TUSC3: variants seen among roughly 807,000 people sequenced by gnomAD.
The protein encoded by TUSC3 is dolichyl-diphosphooligosaccharide--protein glycosyltransferase subunit TUSC3.
TUSC3 carries 45 observed loss-of-function variants against 44.8 expected under a neutral mutation model. That is an observed-to-expected ratio of 1.00 (90% CI 0.79 to 1.29). The LOEUF is 1.29. TUSC3 is among the 50% of genes most tolerant of loss of function. TUSC3 has a pLI of 0.00. For missense variants in TUSC3, 519 were observed against 437.9 expected (o/e 1.19, Z -1.65); for synonymous variants, 212 against 152.9 (o/e 1.39, Z -2.85).
chr8:15,472,954 T>A (rs77695063), intron 1 of TUSC3, among the ~76,000 whole-genome samples: 1 of 152,086 alleles, frequency 6.6e-6, no homozygotes, highest in African/African-American at 2.4e-5. Context: ...AGACTCTCAG[T>A]GAGGTTATGC....
chr8:15,453,100 C>G (rs569417401), intron 1 of TUSC3, among the ~76,000 whole-genome samples: 1 of 152,216 alleles, frequency 6.6e-6, no homozygotes, highest in East Asian at 1.9e-4. Context: ...GGTATCTAGA[C>G]TTGAGAGCTA....
At chr8:15,579,295 GT>G (rs1441012873) in intron 1 of TUSC3, among the ~76,000 whole-genome samples, 2 of 135,172 alleles carry the variant, frequency 1.5e-5, no homozygotes, top group Admixed American at 7.6e-5. Context: ...TTTTTGAAGG[GT>G]TTTTTGTGTC....
At chr8:15,457,335 A>T (rs1461320115) in intron 1 of TUSC3, among the ~76,000 whole-genome samples, 2 of 151,782 alleles carry the variant, frequency 1.3e-5, no homozygotes, top group Admixed American at 6.6e-5. Context: ...ATATATATTT[A>T]AAAAAACAAA....
chr8:15,817,899 G>A, the TUSC3 span, among the ~76,000 whole-genome samples: 1 of 152,260 alleles, frequency 6.6e-6, no homozygotes, highest in Admixed American at 6.5e-5. Flanking sequence ...AAGATAAGAG[G>A]AAGAGAAATC....
chr8:15,701,257 A>G (rs1809392739), intron 6 of TUSC3, among the ~76,000 whole-genome samples: 1 of 152,110 alleles, frequency 6.6e-6, no homozygotes, highest in African/African-American at 2.4e-5. Context: ...TCTTGCATGT[A>G]TATCTGCCAT....
the TUSC3 span, among the ~76,000 whole-genome samples, chr8:15,773,037 A>G: frequency 1.4e-5 from 1 of 71,488 alleles, no homozygotes; most frequent in African/African-American, 5.6e-5. Context: ...ATAACATTCA[A>G]TGGTTAAAAA....
At chr8:15,625,991 G>A (rs950048464) in intron 2 of TUSC3, among the ~76,000 whole-genome samples, 9 of 152,200 alleles carry the variant, frequency 5.9e-5, no homozygotes, top group African/African-American at 1.7e-4. Context: ...TGGCAGCAGC[G>A]GGCCATCCGA....
At chr8:15,806,311 C>G in the TUSC3 span, 1 of 702,252 alleles carries the variant, frequency 1.4e-6, no homozygotes, top group South Asian at 1.4e-5. Flanking sequence ...TGGACTAAGT[C>G]AGGGACACCT....
chr8:15,756,659 T>G (rs1421238), intron 9 of TUSC3, among the ~76,000 whole-genome samples: 6,634 of 152,274 alleles, frequency 0.044, 504 homozygotes, highest in African/African-American at 0.15. Context: ...TTGAAAATTT[T>G]ATTCCTTGTC....
At chr8:15,848,768 G>A in the TUSC3 span, among the ~76,000 whole-genome samples, 1 of 152,164 alleles carries the variant, frequency 6.6e-6, no homozygotes, top group African/African-American at 2.4e-5. Context: ...CTTGGTTTGA[G>A]TTGGTTTCTG....
chr8:15,790,055 A>T, the TUSC3 span, among the ~76,000 whole-genome samples: 3 of 151,966 alleles, frequency 2.0e-5, no homozygotes, highest in African/African-American at 7.3e-5. Flanking sequence ...AGCCGTATTT[A>T]TACTCACTTT....
intron 2 of TUSC3, among the ~76,000 whole-genome samples, chr8:15,509,766 T>C (rs1801107520): frequency 1.3e-5 from 2 of 152,224 alleles, no homozygotes; most frequent in Admixed American, 1.3e-4. Context: ...TACATCCCTA[T>C]CCATTAACTG....
intron 9 of TUSC3, among the ~76,000 whole-genome samples, chr8:15,749,702 C>T (rs1266591324): frequency 1.3e-5 from 2 of 149,748 alleles, no homozygotes; most frequent in Non-Finnish European, 3.0e-5. Context: ...TAATCAAATC[C>T]AAGATTAAGT....
chr8:15,769,321 A>C (rs560565104), downstream of TUSC3, among the ~76,000 whole-genome samples: 193 of 152,326 alleles, frequency 1.3e-3, no homozygotes, highest in African/African-American at 4.5e-3. Flanking sequence ...GACAAAAACA[A>C]TGGGGAAAGG....
chr8:15,718,468 G>A (rs1371932097), intron 6 of TUSC3, among the ~76,000 whole-genome samples: 2 of 152,094 alleles, frequency 1.3e-5, no homozygotes, highest in Non-Finnish European at 2.9e-5. Flanking sequence ...ACATTCAAAT[G>A]GGATATCAAG....
chr8:15,516,474 G>A (rs978457891), intron 2 of TUSC3, among the ~76,000 whole-genome samples: 12 of 152,124 alleles, frequency 7.9e-5, no homozygotes, highest in African/African-American at 2.9e-4. Flanking sequence ...ATAGGTTCTT[G>A]ATGCTATGGC....
intron 3 of TUSC3, among the ~76,000 whole-genome samples, chr8:15,657,412 A>G (rs1266193618): frequency 6.6e-6 from 1 of 152,166 alleles, no homozygotes; most frequent in African/African-American, 2.4e-5. Flanking sequence ...GCATTCTATA[A>G]AGTCCTAGGA....
At chr8:15,500,551 A>T (rs146848775) in intron 2 of TUSC3, among the ~76,000 whole-genome samples, 1,590 of 152,340 alleles carry the variant, frequency 0.01, 31 homozygotes, top group African/African-American at 0.037. Flanking sequence ...CAGTTTACAA[A>T]GAATGATTGT....
In TUSC3 at chr8:15,684,306, G is replaced by A. The variant is rs576218737; in HGVS notation, c.798+10470G>A. 2.0e-5 allele frequency among the ~76,000 whole-genome samples: 3 copies of A among 152,238 alleles called. No homozygotes were observed. In the South Asian group the frequency reaches 6.2e-4, roughly 32 times the overall value. ...GGGAACCCACTGTTCCTCTGTATTT[G>A]CCAGAGTCAGAGTGAGTTGTGGAGT... On this transcript the variant is annotated intron_variant, in intron 6 of 10. Coordinates refer to ENST00000503731, the MANE Select transcript of TUSC3 (RefSeq NM_006765.4).
Sources: gnomAD v4.1 joint callset for allele counts (sites outside exome capture counted in the v4.1 genomes callset) on GRCh38, gnomAD v4.1.1 for gene constraint, MANE v1.5 for transcripts, NCBI Gene and HGNC (gene_info 2026-07-23, HGNC 2026-07-21) for gene names.